Variants in ABCG1 observed in about 807,000 individuals in gnomAD.
ABCG1 encodes the protein ATP binding cassette subfamily G member 1.
Under a neutral mutation model 69.2 loss-of-function variants are expected in ABCG1, and 29 were observed. The observed-to-expected ratio is 0.42, with a 90% CI of 0.31 to 0.57. The LOEUF (loss-of-function observed/expected upper bound fraction) is 0.57. Among genes scored for constraint, ABCG1 ranks in the 20% least tolerant of loss-of-function variants. The pLI, the probability that ABCG1 is intolerant of heterozygous loss-of-function variation, is 0.15. For missense variants in ABCG1, 718 were observed against 898.1 expected, an observed-to-expected ratio of 0.80 and a Z score of 2.56; for synonymous variants, 370 against 374.8, an observed-to-expected ratio of 0.99 and a Z score of 0.15.
rs1377416933 is a variant in ABCG1 at position 42,288,046 on chromosome 21, G to A, written c.1122+9G>A. The A allele has an allele frequency of 1.9e-6, 3 of 1,607,138 alleles. No homozygotes were observed. The highest frequency in any genetic ancestry group is 8.5e-7 in the Non-Finnish European group (1 of 1,175,304). On this transcript the variant is annotated intron_variant, in intron 9 of 14. Coordinates refer to ENST00000398449, the MANE Select transcript of ABCG1 (RefSeq NM_016818.3). This position sits in a 1 kb window ranked among gnomAD's most constrained non-coding sequence, Gnocchi z 4.8. ...ACCGGCCCTCTGAAGAGGTAAAGCA[G>A]ACAAAACGATTAAAGGGGTTGAGAA...
At chr21:42,249,988 G>A (rs1447164572) in intron 2 of ABCG1, among the ~76,000 whole-genome samples, 2 of 150,492 alleles carry the variant, frequency 1.3e-5, no homozygotes, top group African/African-American at 4.9e-5. Context: ...CTGGGTGACA[G>A]AGTGAGATTC....
In ABCG1 at chr21:42,199,902, G is replaced by T. The variant is rs1401201714; in HGVS notation, c.-100+53G>T. ...TAAGAAAATATCTTTAAATATAAAT[G>T]TATGGAATAAGTGTAATTAACTAGA... On this transcript the variant is annotated intron_variant, in intron 1 of 15. Transcript: ENST00000398457. The T allele has an allele frequency of 2.6e-5, 4 of 152,198 alleles. No individual in the cohort carries two copies. The East Asian group carries it at 7.7e-4, about 29-fold the overall frequency. 9.4% of individuals were successfully genotyped at this position (152,198 alleles called of 1,614,324 possible).
At chr21:42,225,132 T>A (rs1765248708) in intron 1 of ABCG1, among the ~76,000 whole-genome samples, 1 of 152,216 alleles carries the variant, frequency 6.6e-6, no homozygotes, top group South Asian at 2.1e-4. Context: ...GAATTGTAAG[T>A]GATTTGGAAA....
At chr21:42,290,721 G>C (rs561215380) in intron 11 of ABCG1, among the ~76,000 whole-genome samples, 1 of 152,294 alleles carries the variant, frequency 6.6e-6, no homozygotes, top group Admixed American at 6.5e-5. Context: ...TCCTCCCCAA[G>C]CTTCCCCTGA....
rs372120235 is a variant in ABCG1, at chr21:42,201,802, G to C, written c.48+79G>C. On this transcript the variant is annotated intron_variant, in intron 2 of 15. Transcript: ENST00000398457. ...TGGGCTTGTTTCAACTCGTTCCGTG[G>C]GCCTGATGTAGTCTAGAGATGATTC... The C allele has an allele frequency of 2.0e-4, 329 of 1,606,668 alleles. 5 individuals are homozygous for C. In the South Asian group the frequency reaches 3.3e-3, roughly 16 times the overall value.
chr21:42,290,244 C>T, intron 11 of ABCG1, 26 bp downstream of exon 11: 1 of 1,601,846 alleles, frequency 6.2e-7, no homozygotes, highest in Non-Finnish European at 8.5e-7. Flanking sequence ...CTGACCCCTT[C>T]TTCCTTATTT....
chr21:42,267,701 C>A (rs891186648), intron 2 of ABCG1, among the ~76,000 whole-genome samples: 8 of 136,960 alleles, frequency 5.8e-5, no homozygotes, highest in African/African-American at 2.2e-4. Context: ...CTGTCTGGGT[C>A]TGGTCTGAGT....
chr21:42,245,176 G>A (rs2068113252), intron 2 of ABCG1, among the ~76,000 whole-genome samples: 1 of 152,064 alleles, frequency 6.6e-6, no homozygotes, highest in South Asian at 2.1e-4. Flanking sequence ...TTGTACCAGG[G>A]AGTGGAAAGG....
chr21:42,236,965 AC>A (rs1280491562), intron 2 of ABCG1, among the ~76,000 whole-genome samples: 2 of 152,200 alleles, frequency 1.3e-5, no homozygotes, highest in African/African-American at 4.8e-5. Flanking sequence ...GTTTCTGAAG[AC>A]CTGCGAATGA....
At chr21:42,235,664 G>C (rs2067968806) in intron 2 of ABCG1, among the ~76,000 whole-genome samples, 1 of 152,214 alleles carries the variant, frequency 6.6e-6, no homozygotes, top group South Asian at 2.1e-4. Flanking sequence ...CGATAGAAAG[G>C]GATGTCTGGG....
At chr21:42,268,388 T>TGTGTGCGCGC (rs57264459) in intron 2 of ABCG1, among the ~76,000 whole-genome samples, 7 of 110,180 alleles carry the variant, frequency 6.4e-5, no homozygotes, top group Admixed American at 1.8e-4. Flanking sequence ...TGTGTGTGTG[T>TGTGTGCGCGC]GCGCGCGCGC....
intron 1 of ABCG1, chr21:42,220,108 A>T: frequency 6.8e-7 from 1 of 1,469,394 alleles, no homozygotes; most frequent in Non-Finnish European, 9.3e-7. Context: ...CATTAGGAAC[A>T]AACAACAAAC....
chr21:42,288,433 C>T lies in ABCG1; in HGVS notation c.1224+121C>T. Reference sequence around the variant, plus strand: ...CTATAAAGAAATTCATGAGGCCAGGCATGGTGACTCATGTCTGTAACCCCA... The same window carrying T: ...CTATAAAGAAATTCATGAGGCCAGGTATGGTGACTCATGTCTGTAACCCCA... On this transcript the variant is annotated intron_variant, in intron 10 of 14. Coordinates refer to ENST00000398449, the MANE Select transcript of ABCG1 (RefSeq NM_016818.3). The surrounding 1 kb of genome is among the most constrained non-coding windows in gnomAD (Gnocchi z 4.8). 1.4e-6 allele frequency: 1 copy of T among 726,734 alleles called. No individual in the cohort carries two copies. Among genetic ancestry groups the T allele is most frequent in the Non-Finnish European group, 2.3e-6 (1 of 436,372 alleles). The allele number at this position is 726,734 out of a possible 1,614,324, so 45.0% of individuals were successfully genotyped here. A position where few individuals can be genotyped will look rare whatever the true frequency, so the allele number is the denominator to read the frequency against.
chr21:42,284,192 T>G (rs1215668347), intron 6 of ABCG1, among the ~76,000 whole-genome samples: 1 of 87,530 alleles, frequency 1.1e-5, no homozygotes, highest in Non-Finnish European at 2.3e-5. Flanking sequence ...GCCTGGACAG[T>G]TGCAAAGTCC....
chr21:42,230,993 C>A (rs1447915713), intron 2 of ABCG1, among the ~76,000 whole-genome samples: 3 of 152,200 alleles, frequency 2.0e-5, no homozygotes, highest in African/African-American at 7.2e-5. Flanking sequence ...AGGACTGGAC[C>A]ACCAAGGCAC....
rs1485676711 is a variant in ABCG1 at position 42,296,506 on chromosome 21, C to A, written c.*114C>A. 1.1e-6 allele frequency: 1 copy of A among 949,876 alleles called. No homozygotes were observed. The highest frequency in any genetic ancestry group is 2.6e-5 in the East Asian group (1 of 38,102). 58.8% of individuals were successfully genotyped at this position (949,876 alleles called of 1,614,324 possible). ...GACACAGAGACTCTTCTGATCCAAC[C>A]CCTAGAACCGCGTTGGGTTTGTGGG... On this transcript the variant is annotated 3_prime_UTR_variant, in exon 15 of 15. Transcript: ENST00000398449. The surrounding 1 kb of genome is among the most constrained non-coding windows in gnomAD (Gnocchi z 5.4).
chr21:42,219,728 T>C lies in ABCG1; in HGVS notation c.42+424T>C. ...AAGGGGAGCCCCGCGCGCGCGGCTG[T>C]GGGCTTGGGGACCGGGGACTTCTCG... is the stretch of plus-strand genomic sequence containing the variant. On this transcript the variant is annotated intron_variant, in intron 1 of 14. Coordinates refer to ENST00000398449, the MANE Select transcript of ABCG1 (RefSeq NM_016818.3). The surrounding 1 kb of genome is among the most constrained non-coding windows in gnomAD (Gnocchi z 5.3). The C allele has an allele frequency of 2.5e-6, 3 of 1,186,138 alleles. No homozygotes were observed. Among genetic ancestry groups the C allele is most frequent in the Non-Finnish European group, 3.4e-6 (3 of 886,392 alleles). The allele number at this position is 1,186,138 out of a possible 1,614,324, so 73.5% of individuals were successfully genotyped here.
At chr21:42,268,687 T>C (rs1264113844) in intron 2 of ABCG1, among the ~76,000 whole-genome samples, 3 of 152,214 alleles carry the variant, frequency 2.0e-5, no homozygotes, top group Non-Finnish European at 4.4e-5. Context: ...CTGGACCCCA[T>C]GAGGGCCAGG....
chr21:42,260,341 G>A (rs1049244203), intron 2 of ABCG1, among the ~76,000 whole-genome samples: 3 of 152,244 alleles, frequency 2.0e-5, no homozygotes, highest in African/African-American at 4.8e-5. Context: ...GACCCATGAC[G>A]CTGCTGCTCC....
Sources: allele counts gnomAD v4.1 joint callset (sites outside exome capture counted in the v4.1 genomes callset), GRCh38; gene constraint gnomAD v4.1.1; non-coding constraint Gnocchi (gnomAD v3.1); transcripts MANE v1.5; gene names NCBI Gene and HGNC (gene_info 2026-07-23, HGNC 2026-07-21).